The following SLC39A13 variants were observed in gnomAD, a reference collection of about 807,000 sequenced individuals.
SLC39A13 encodes the protein solute carrier family 39 member 13, also known as zinc transporter ZIP13.
SLC39A13 carries 18 observed loss-of-function variants against 38.7 expected under a neutral mutation model. That is an observed-to-expected ratio of 0.47 (90% CI 0.32 to 0.69). SLC39A13 has a LOEUF of 0.69. SLC39A13 is among the 30% of genes least tolerant of loss of function. SLC39A13 has a pLI of 0.03. For synonymous variants in SLC39A13, 212 were observed against 219.1 expected (o/e 0.97, Z 0.29); for missense variants, 395 against 490.7 (o/e 0.80, Z 1.84).
intron 1 of SLC39A13, chr11:47,409,231 G>C (rs2095984846): frequency 6.6e-6 from 1 of 152,368 alleles, no homozygotes; most frequent in African/African-American, 2.4e-5. Flanking sequence ...TTCTCGCTTG[G>C]TTGACTCACG....
rs754284958 is a variant in SLC39A13, at chr11:47,410,070, C to G, written c.-8-17C>G. 1.2e-6 allele frequency: 2 copies of G among 1,611,800 alleles called. No individual in the cohort carries two copies. Among genetic ancestry groups the G allele is most frequent in the Admixed American group, 1.7e-5 (1 of 60,018 alleles). On this transcript the variant is annotated splice_polypyrimidine_tract_variant and intron_variant, in intron 1 of 9. Transcript: ENST00000362021. ...CCAAGGCTGTAGCTCATATAGGTGG[C>G]CTTTTGTGTTTTTCAGTACGTGGCA...
At chr11:47,412,590 G>T in intron 4 of SLC39A13, 123 bp downstream of exon 4, 1 of 1,539,504 alleles carries the variant, frequency 6.5e-7, no homozygotes, top group Non-Finnish European at 8.8e-7. Context: ...TCTCCTGGGA[G>T]CTGCGGGAGG....
chr11:47,410,290 G>C lies in SLC39A13; in HGVS notation c.196G>C (p.Asp66His). 1 of 1,614,144 alleles carries C rather than the reference G, an allele frequency of 6.2e-7. No homozygotes were observed. The highest frequency in any genetic ancestry group is 8.5e-7 in the Non-Finnish European group (1 of 1,180,018). Reference sequence around the variant, plus strand: ...GGCTCTGCTGAGCGGAGAGCGGCTGGACACCTGGATCTGCTCCCTCCTGGG... The same window carrying C: ...GGCTCTGCTGAGCGGAGAGCGGCTGCACACCTGGATCTGCTCCCTCCTGGG... Reference protein sequence around the residue: ...WGALLSGERLDTWICSLLGSL... With the variant: ...WGALLSGERLHTWICSLLGSL... Residue 66 changes from aspartate to histidine, a missense_variant, in exon 2 of 10, where the codon GAC (aspartate) becomes CAC (histidine). Asp to His is a moderately conservative substitution (Grantham distance 81). Coordinates refer to ENST00000362021, the MANE Select transcript of SLC39A13 (RefSeq NM_001128225.3).
In SLC39A13 at chr11:47,410,143, C is replaced by T. The variant is rs772357929; in HGVS notation, c.49C>T (p.Leu17Phe). The T allele has an allele frequency of 1.2e-6, 2 of 1,613,266 alleles. No individual in the cohort carries two copies. The highest frequency in any genetic ancestry group is 1.1e-5 in the South Asian group (1 of 91,088). The change falls in exon 2 of 10, where the codon CTC (leucine) becomes TTC (phenylalanine). Residue 17 changes from leucine (L) to phenylalanine (F), a missense_variant. Coordinates refer to ENST00000362021, the MANE Select transcript of SLC39A13 (RefSeq NM_001128225.3). Reference protein sequence around the residue: ...PGCGMAGPRLLFLTALALELL... With the variant: ...PGCGMAGPRLFFLTALALELL... The stretch of plus-strand genomic sequence containing the variant: ...CTGTGGCATGGCGGGCCCAAGGCTC[C>T]TCTTCCTCACTGCCCTTGCCCTGGA...
At chr11:47,409,899 G>A (rs1420024389) in intron 1 of SLC39A13, 188 bp from the exon 2 acceptor site, 1 of 643,196 alleles carries the variant, frequency 1.6e-6, no homozygotes, top group Non-Finnish European at 2.7e-6. Flanking sequence ...GCAGTGCTCA[G>A]GAGTAGGGTG....
intron 5 of SLC39A13, 26 bp from the exon 6 acceptor site, chr11:47,413,571 T>A (rs199790940): frequency 5.6e-5 from 90 of 1,614,162 alleles, no homozygotes; most frequent in Admixed American, 1.5e-4. Flanking sequence ...CACTCAGCCC[T>A]GCCTCCTGCC....
Position 47,413,585 on chromosome 11 carries a change from C to T in SLC39A13, c.646-12C>T. On this transcript the variant is annotated splice_polypyrimidine_tract_variant and intron_variant, in intron 5 of 9. Coordinates refer to ENST00000362021, the MANE Select transcript of SLC39A13 (RefSeq NM_001128225.3). ...CCACTCAGCCCTGCCTCCTGCCTTC[C>T]CTCCTTCCCAGGTCAGCGGCTACCT... is the stretch of plus-strand genomic sequence containing the variant. 2 of 1,614,242 alleles carry T rather than the reference C, an allele frequency of 1.2e-6. No individual in the cohort carries two copies. The highest frequency in any genetic ancestry group is 1.7e-6 in the Non-Finnish European group (2 of 1,180,032).
At position 47,410,379 on chromosome 11, in the gene SLC39A13, C is replaced by A; in HGVS notation, c.285C>A (p.Thr95=). The change falls in exon 2 of 10, where the codon ACC becomes ACA. Residue 95 remains threonine, a synonymous_variant. Transcript: ENST00000362021. ...TTGTCATTCCCCTAGAGATGGGGAC[C>A]ATGCTGCGCTCAGAAGGTAGGTGAC... The part of the protein sequence containing the change: ...PLLVIPLEMG[T]MLRSEAGAWR... The A allele has an allele frequency of 6.2e-7, 1 of 1,614,000 alleles. No homozygotes were observed. Among genetic ancestry groups the A allele is most frequent in the Non-Finnish European group, 8.5e-7 (1 of 1,179,988 alleles).
At position 47,412,082 on chromosome 11, in the gene SLC39A13, G is replaced by A. The variant is rs769423537; in HGVS notation, c.415+43G>A. 1.5e-5 allele frequency: 23 copies of A among 1,568,872 alleles called. No individual in the cohort carries two copies. In the African/African-American group the frequency reaches 2.8e-4, roughly 19 times the overall value. On this transcript the variant is annotated intron_variant, in intron 3 of 9. Coordinates refer to ENST00000362021, the MANE Select transcript of SLC39A13 (RefSeq NM_001128225.3). ...CCAGGGGCAAGACAGTGCCAGGAGT[G>A]GGGGCCTGGTGCCCACGCCCAGGGA...
At chr11:47,408,156 C>A (rs1225593406), upstream of SLC39A13, among the ~76,000 whole-genome samples, 3 of 152,382 alleles carry the variant, frequency 2.0e-5, no homozygotes, top group East Asian at 3.9e-4. Flanking sequence ...TGACTCAGAG[C>A]AGGAGCGCAC....
intron 2 of SLC39A13, 80 bp from the exon 3 acceptor site, chr11:47,411,846 C>G (rs2096000820): frequency 1.4e-6 from 2 of 1,380,546 alleles, no homozygotes; most frequent in African/African-American, 1.4e-5. Context: ...CCAGAAAGAG[C>G]CCAGTGAGTG....
intron 2 of SLC39A13, among the ~76,000 whole-genome samples, chr11:47,410,626 A>C (rs1167675583): frequency 1.3e-5 from 2 of 152,074 alleles, no homozygotes; most frequent in East Asian, 3.9e-4. Flanking sequence ...GGGGTCTAGG[A>C]GATGGGGATG....
chr11:47,412,758 C>CTTTTTTT (rs1187342398), intron 4 of SLC39A13, among the ~76,000 whole-genome samples: 3 of 115,112 alleles, frequency 2.6e-5, no homozygotes, highest in Non-Finnish European at 3.5e-5. Flanking sequence ...GGGTTCCTAT[C>CTTTTTTT]TTTTTTTTTT....
chr11:47,412,999 A>G (rs1338031458), intron 4 of SLC39A13, among the ~76,000 whole-genome samples: 1 of 149,424 alleles, frequency 6.7e-6, no homozygotes, highest in Non-Finnish European at 1.5e-5. Context: ...TGACTTCTTG[A>G]TCCACCCACC....
rs779570378 is a variant in SLC39A13 at position 47,410,117 on chromosome 11, G to T, written c.23G>T (p.Gly8Val). Residue 8 changes from glycine (G) to valine (V), a missense_variant, in exon 2 of 10, where the codon GGC (glycine) becomes GTC (valine). Coordinates refer to ENST00000362021, the MANE Select transcript of SLC39A13 (RefSeq NM_001128225.3). MPGCPCP[G>V]CGMAGPRLLF... ...GGCATGCCTGGATGTCCCTGCCCTG[G>T]CTGTGGCATGGCGGGCCCAAGGCTC... 4.3e-6 allele frequency: 7 copies of T among 1,613,318 alleles called. No individual in the cohort carries two copies. In the East Asian group the frequency reaches 1.6e-4, roughly 36 times the overall value.
intron 6 of SLC39A13, 197 bp from the exon 7 acceptor site, chr11:47,414,228 C>T (rs1325158594): frequency 3.1e-6 from 2 of 650,654 alleles, no homozygotes; most frequent in African/African-American, 1.8e-5. Context: ...TGAGTGAGTC[C>T]TGTCTCTCCC....
Position 47,411,966 on chromosome 11 carries a change from G to C in SLC39A13, c.342G>C (p.Leu114=). The C allele has an allele frequency of 6.2e-7, 1 of 1,613,802 alleles. No homozygotes were observed. The highest frequency in any genetic ancestry group is 8.5e-7 in the Non-Finnish European group (1 of 1,179,948). Reference sequence around the variant, plus strand: ...TGAAGCAGCTGCTCAGCTTCGCCCTGGGGGGACTCTTGGGCAATGTGTTTC... The same window carrying C: ...TGAAGCAGCTGCTCAGCTTCGCCCTCGGGGGACTCTTGGGCAATGTGTTTC... The part of the protein sequence containing the change: ...WRLKQLLSFA[L]GGLLGNVFLH... The change falls in exon 3 of 10, where the codon CTG becomes CTC. Residue 114 remains leucine, a synonymous_variant. Transcript: ENST00000362021.
chr11:47,413,537 C>A, intron 5 of SLC39A13, 30 bp downstream of exon 5: 1 of 1,613,866 alleles, frequency 6.2e-7, no homozygotes, highest in Non-Finnish European at 8.5e-7. Flanking sequence ...CCCCTGCAGC[C>A]GTACTGCCCT....
chr11:47,414,396 C>A (rs972045084), intron 6 of SLC39A13, 29 bp from the exon 7 acceptor site: 1 of 1,597,842 alleles, frequency 6.3e-7, no homozygotes, highest in Non-Finnish European at 8.5e-7. Flanking sequence ...TCAACACAGA[C>A]CCCGCAGCCA....
Sources: gnomAD v4.1 joint callset for allele counts (sites outside exome capture counted in the v4.1 genomes callset) on GRCh38, gnomAD v4.1.1 for gene constraint, MANE v1.5 for transcripts, NCBI Gene and HGNC (gene_info 2026-07-23, HGNC 2026-07-21) for gene names.